DNER: variants seen among roughly 807,000 people sequenced by gnomAD.
The protein encoded by DNER is delta and Notch-like epidermal growth factor-related receptor.
In DNER, 33 loss-of-function variants were observed where a neutral mutation model predicts 78.2. The ratio of observed to expected loss-of-function variants is 0.42; its 90% confidence interval spans 0.32 to 0.56. The LOEUF (loss-of-function observed/expected upper bound fraction) is 0.56, where lower values mean the gene tolerates loss of function less well. DNER is among the 20% of genes least tolerant of loss of function. DNER has a pLI of 0.11. For synonymous variants in DNER, 417 were observed against 384.8 expected, an observed-to-expected ratio of 1.08 and a Z score of -0.98; for missense variants, 918 against 975.3, an observed-to-expected ratio of 0.94 and a Z score of 0.78.
rs149933545 is a variant in DNER at position 229,396,317 on chromosome 2, T to C, written c.1724-7921A>G. Among the ~76,000 whole-genome samples, 339 of 152,338 alleles carry C rather than the reference T, an allele frequency of 2.2e-3. 2 individuals are homozygous for C. Among genetic ancestry groups the C allele is most frequent in the African/African-American group, 7.8e-3 (325 of 41,578 alleles). On this transcript the variant is annotated intron_variant, in intron 10 of 12. Coordinates refer to ENST00000341772, the MANE Select transcript of DNER (RefSeq NM_139072.4). Reference sequence around the variant, plus strand: ...TTTAGTTTACACGACTTTAGTAATCTTTGGTAACTAAAACTAGTTTCAAGA... The same window carrying C: ...TTTAGTTTACACGACTTTAGTAATCCTTGGTAACTAAAACTAGTTTCAAGA...
rs569031644 is a variant in DNER, at chr2:229,519,185, C to A, written c.994-6249G>T. Among the ~76,000 whole-genome samples, 24 of 152,208 alleles carry A rather than the reference C, an allele frequency of 1.6e-4. No homozygotes were observed. In the South Asian group the frequency reaches 4.4e-3, roughly 28 times the overall value. On this transcript the variant is annotated intron_variant, in intron 5 of 12. Coordinates refer to ENST00000341772, the MANE Select transcript of DNER (RefSeq NM_139072.4). ...CATGAATAAATCTAACCCCCTAACA[C>A]AGCACTCAGAGCACTTGACAGTCTG...
intron 4 of DNER, among the ~76,000 whole-genome samples, chr2:229,561,331 T>C (rs908699331): frequency 6.6e-6 from 1 of 152,134 alleles, no homozygotes; most frequent in Non-Finnish European, 1.5e-5. Context: ...GGGAAAAAAA[T>C]TGTAAAGATA....
intron 3 of DNER, 58 bp from the exon 4 acceptor site, chr2:229,586,082 C>G (rs1049657877): frequency 1.2e-5 from 18 of 1,531,042 alleles, no homozygotes; most frequent in Admixed American, 8.8e-5. Context: ...ATCTTAGAAC[C>G]AGTTCTTCAA....
At chr2:229,418,297 G>A in intron 8 of DNER, 67 bp from the exon 9 acceptor site, 1 of 1,601,774 alleles carries the variant, frequency 6.2e-7, no homozygotes, top group African/African-American at 1.3e-5. Context: ...GGACCAGCCT[G>A]CAAGGAAGGC....
chr2:229,554,818 G>A (rs1696818586), intron 4 of DNER, among the ~76,000 whole-genome samples: 1 of 150,612 alleles, frequency 6.6e-6, no homozygotes, highest in African/African-American at 2.4e-5. Flanking sequence ...TTATGCCACT[G>A]CACTCCAGCC....
At chr2:229,570,136 C>G (rs1697189281) in intron 4 of DNER, among the ~76,000 whole-genome samples, 1 of 152,162 alleles carries the variant, frequency 6.6e-6, no homozygotes, top group South Asian at 2.1e-4. Context: ...TCCACACTTA[C>G]AGAATAATTC....
At chr2:229,437,604 C>G (rs1559351615) in intron 8 of DNER, among the ~76,000 whole-genome samples, 1 of 152,174 alleles carries the variant, frequency 6.6e-6, no homozygotes. Flanking sequence ...TCAAACATCA[C>G]CTATAATGGC....
At chr2:229,385,710 C>T (rs545231047) in intron 11 of DNER, among the ~76,000 whole-genome samples, 15 of 152,280 alleles carry the variant, frequency 9.9e-5, no homozygotes, top group Admixed American at 9.2e-4. Context: ...CATGAGTGAA[C>T]TCTCATTCAC....
At chr2:229,582,920 C>G (rs1697429244) in intron 4 of DNER, among the ~76,000 whole-genome samples, 1 of 152,060 alleles carries the variant, frequency 6.6e-6, no homozygotes, top group African/African-American at 2.4e-5. Context: ...ATTACGGGCA[C>G]GAGCCACCGC....
At chr2:229,690,635 A>G (rs1250198854) in intron 1 of DNER, among the ~76,000 whole-genome samples, 2 of 152,226 alleles carry the variant, frequency 1.3e-5, no homozygotes, top group East Asian at 3.9e-4. Flanking sequence ...TTAAGTTATC[A>G]ACTACATTCA....
chr2:229,393,064 G>A (rs1693051112), intron 10 of DNER, among the ~76,000 whole-genome samples: 1 of 152,078 alleles, frequency 6.6e-6, no homozygotes, highest in Non-Finnish European at 1.5e-5. Flanking sequence ...CAGAAACATG[G>A]AAAATAAAAA....
At chr2:229,676,589 C>A (rs918845912) in intron 1 of DNER, among the ~76,000 whole-genome samples, 1 of 152,172 alleles carries the variant, frequency 6.6e-6, no homozygotes, top group Admixed American at 6.5e-5. Context: ...CAGGTCTTCC[C>A]ATCCATCCCT....
At chr2:229,491,950 TACACAC>T (rs58442076) in intron 6 of DNER, among the ~76,000 whole-genome samples, 18,108 of 149,730 alleles carry the variant, frequency 0.12, 1,234 homozygotes, top group South Asian at 0.2. Flanking sequence ...TTGCCATGAT[TACACAC>T]ACACACACAC....
At chr2:229,656,985 C>CGTGTGTGTGT (rs1417445603) in intron 1 of DNER, among the ~76,000 whole-genome samples, 8,937 of 148,662 alleles carry the variant, frequency 0.06, 434 homozygotes, top group African/African-American at 0.13. Flanking sequence ...ACAGTTACCA[C>CGTGTGTGTGT]GTGTGTGTGT....
chr2:229,368,667 T>G (rs1159047766), intron 11 of DNER, among the ~76,000 whole-genome samples: 1 of 152,230 alleles, frequency 6.6e-6, no homozygotes, highest in Non-Finnish European at 1.5e-5. Flanking sequence ...TGATTTCTTA[T>G]TATAAACTAA....
chr2:229,559,986 C>T (rs143953549), intron 4 of DNER, among the ~76,000 whole-genome samples: 2 of 152,294 alleles, frequency 1.3e-5, no homozygotes, highest in East Asian at 1.9e-4. Flanking sequence ...CAAGACTTTG[C>T]CAAGCTCACC....
chr2:229,592,167 A>G (rs985086910), intron 1 of DNER, among the ~76,000 whole-genome samples: 1 of 152,198 alleles, frequency 6.6e-6, no homozygotes, highest in Non-Finnish European at 1.5e-5. Context: ...TTCAGTAACC[A>G]GTTATTTAGA....
At chr2:229,439,045 A>G (rs1167249916) in intron 8 of DNER, among the ~76,000 whole-genome samples, 1 of 152,154 alleles carries the variant, frequency 6.6e-6, no homozygotes, top group Admixed American at 6.5e-5. Context: ...GACAACAACA[A>G]TGGGTCCCAC....
At chr2:229,649,825 A>T (rs889944869) in intron 1 of DNER, among the ~76,000 whole-genome samples, 2 of 152,208 alleles carry the variant, frequency 1.3e-5, no homozygotes, top group Non-Finnish European at 2.9e-5. Context: ...CTGTAATCCC[A>T]GCACTTTGGG....
Sources: gnomAD v4.1 joint callset for allele counts (sites outside exome capture counted in the v4.1 genomes callset) on GRCh38, gnomAD v4.1.1 for gene constraint, MANE v1.5 for transcripts, NCBI Gene and HGNC (gene_info 2026-07-23, HGNC 2026-07-21) for gene names.